Variants in IMMP2L observed in about 807,000 individuals in gnomAD.
IMMP2L encodes the protein inner mitochondrial membrane peptidase subunit 2, also known as mitochondrial inner membrane protease subunit 2.
Under a neutral mutation model 19.3 loss-of-function variants are expected in IMMP2L, and 18 were observed. The ratio of observed to expected loss-of-function variants is 0.93; its 90% confidence interval spans 0.64 to 1.38. The LOEUF is 1.38. Among genes scored for constraint, IMMP2L ranks in the 40% most tolerant of loss-of-function variants. IMMP2L has a pLI of 0.00. For synonymous variants in IMMP2L, 76 were observed against 73.0 expected, an observed-to-expected ratio of 1.04 and a Z score of -0.21; for missense variants, 233 against 218.2, an observed-to-expected ratio of 1.07 and a Z score of -0.43.
At position 111,002,652 on chromosome 7, in the gene IMMP2L, T is replaced by C. The variant is rs147579279; in HGVS notation, c.240-39087A>G. ...GTTATATACTTAATCAAGGGTAATTTTTAAAATGGAAAATTTACCAACTTA... is the reference window on the plus strand; with the variant it reads ...GTTATATACTTAATCAAGGGTAATTCTTAAAATGGAAAATTTACCAACTTA... On this transcript the variant is annotated intron_variant, in intron 3 of 5. Coordinates refer to ENST00000405709, the MANE Select transcript of IMMP2L (RefSeq NM_032549.4). Among the ~76,000 whole-genome samples the C allele has an allele frequency of 7.7e-4, 117 of 152,268 alleles. 1 individual carries two copies. The Middle Eastern group carries it at 0.014, about 18-fold the overall frequency.
At chr7:111,444,534 T>C (rs1838099504) in intron 3 of IMMP2L, among the ~76,000 whole-genome samples, 1 of 152,192 alleles carries the variant, frequency 6.6e-6, no homozygotes, top group Non-Finnish European at 1.5e-5. Context: ...GCGTCTAGCA[T>C]TGTTAAGTGC....
At chr7:110,851,835 G>C (rs888705105) in intron 5 of IMMP2L, among the ~76,000 whole-genome samples, 7 of 152,092 alleles carry the variant, frequency 4.6e-5, no homozygotes, top group Non-Finnish European at 8.8e-5. Context: ...ATTGATATAT[G>C]TGACAGATGG....
At chr7:110,985,647 A>G (rs1038975902) in intron 3 of IMMP2L, among the ~76,000 whole-genome samples, 3 of 152,178 alleles carry the variant, frequency 2.0e-5, no homozygotes, top group African/African-American at 7.2e-5. Flanking sequence ...AATAAACTCC[A>G]TATTTGTTAA....
At chr7:111,356,605 A>G (rs1427488952) in intron 3 of IMMP2L, among the ~76,000 whole-genome samples, 1 of 152,146 alleles carries the variant, frequency 6.6e-6, no homozygotes, top group African/African-American at 2.4e-5. Context: ...TAGCACTGAA[A>G]AGTTTTAGAA....
chr7:111,203,784 A>G (rs1810416274), intron 3 of IMMP2L, among the ~76,000 whole-genome samples: 1 of 152,246 alleles, frequency 6.6e-6, no homozygotes, highest in South Asian at 2.1e-4. Context: ...ATGCAGTATA[A>G]TAAAGAGCAA....
In IMMP2L at chr7:111,359,888, T is replaced by C. The variant is rs560931660; in HGVS notation, c.239+127350A>G. 1.7e-4 allele frequency among the ~76,000 whole-genome samples: 26 copies of C among 152,126 alleles called. 1 individual carries two copies. Among genetic ancestry groups the C allele is most frequent in the Middle Eastern group, 6.8e-3 (2 of 294 alleles). ...GGAAAGATGGTGAAAGATAAATAGA[T>C]GGTTAAGGATCTTGATTTTTTAAAG... On this transcript the variant is annotated intron_variant, in intron 3 of 5. Transcript: ENST00000405709.
At chr7:111,498,185 G>A (rs1457099830) in intron 2 of IMMP2L, among the ~76,000 whole-genome samples, 1 of 151,990 alleles carries the variant, frequency 6.6e-6, no homozygotes, top group Non-Finnish European at 1.5e-5. Context: ...AATCTGCAAA[G>A]TTTCTGTTTC....
intron 3 of IMMP2L, among the ~76,000 whole-genome samples, chr7:111,111,007 T>C (rs1563253431): frequency 1.3e-5 from 2 of 152,186 alleles, no homozygotes. Flanking sequence ...CATTTGCTTT[T>C]CTGAGCCTAA....
chr7:111,028,354 A>C (rs1233174096), intron 3 of IMMP2L, among the ~76,000 whole-genome samples: 1 of 152,042 alleles, frequency 6.6e-6, no homozygotes, highest in Non-Finnish European at 1.5e-5. Flanking sequence ...TTGGCATGAA[A>C]CTTTTCCCTT....
At chr7:111,095,957 G>C (rs991152426) in intron 3 of IMMP2L, among the ~76,000 whole-genome samples, 1 of 151,862 alleles carries the variant, frequency 6.6e-6, no homozygotes, top group Non-Finnish European at 1.5e-5. Context: ...AGCTCCAGTA[G>C]GCAATGATAT....
chr7:111,029,267 T>C (rs1382283084), intron 3 of IMMP2L, among the ~76,000 whole-genome samples: 1 of 152,092 alleles, frequency 6.6e-6, no homozygotes, highest in African/African-American at 2.4e-5. Flanking sequence ...AACAGAGAAT[T>C]ACATCAGGGA....
chr7:110,791,292 A>T (rs1800442307), intron 5 of IMMP2L, among the ~76,000 whole-genome samples: 1 of 151,592 alleles, frequency 6.6e-6, no homozygotes, highest in Admixed American at 6.6e-5. Context: ...AATGGGTTCC[A>T]CTGGCTTGGT....
chr7:110,930,076 A>G (rs1262821763), intron 4 of IMMP2L, among the ~76,000 whole-genome samples: 2 of 152,180 alleles, frequency 1.3e-5, no homozygotes, highest in Middle Eastern at 3.2e-3. Context: ...ATTTCATCAT[A>G]TATAAGACTG....
chr7:110,941,517 G>T (rs59178399), intron 4 of IMMP2L, among the ~76,000 whole-genome samples: 2 of 152,190 alleles, frequency 1.3e-5, no homozygotes, highest in African/African-American at 4.8e-5. Flanking sequence ...TAAGCATATA[G>T]TCAATGTTTG....
At chr7:110,930,961 A>C (rs924792473) in intron 4 of IMMP2L, among the ~76,000 whole-genome samples, 1 of 152,228 alleles carries the variant, frequency 6.6e-6, no homozygotes, top group African/African-American at 2.4e-5. Context: ...CTAATAAATT[A>C]TGTGATCTTA....
At chr7:110,729,978 C>T (rs1295911430) in intron 5 of IMMP2L, among the ~76,000 whole-genome samples, 1 of 150,854 alleles carries the variant, frequency 6.6e-6, no homozygotes, top group Admixed American at 6.6e-5. Flanking sequence ...AGAAGCAATT[C>T]TTCTTTAGTT....
At chr7:111,069,766 AG>A (rs1359965559) in intron 3 of IMMP2L, among the ~76,000 whole-genome samples, 6 of 152,148 alleles carry the variant, frequency 3.9e-5, no homozygotes, top group African/African-American at 1.4e-4. Flanking sequence ...GAGAAAGCTA[AG>A]GTAGAATGAC....
chr7:111,284,709 T>A (rs1451810445), intron 3 of IMMP2L, among the ~76,000 whole-genome samples: 1 of 152,084 alleles, frequency 6.6e-6, no homozygotes, highest in Non-Finnish European at 1.5e-5. Flanking sequence ...GGATGAAGTG[T>A]TGCCATAGAG....
chr7:111,223,179 C>T (rs1157112055), intron 3 of IMMP2L, among the ~76,000 whole-genome samples: 1 of 151,886 alleles, frequency 6.6e-6, no homozygotes, highest in Non-Finnish European at 1.5e-5. Flanking sequence ...GAAAAATGAT[C>T]AGTAAATTCA....
Sources: gnomAD v4.1 joint callset for allele counts (sites outside exome capture counted in the v4.1 genomes callset) on GRCh38, gnomAD v4.1.1 for gene constraint, MANE v1.5 for transcripts, NCBI Gene and HGNC (gene_info 2026-07-23, HGNC 2026-07-21) for gene names.